The following FANCC variants were observed in gnomAD, a reference collection of about 807,000 sequenced individuals.
FANCC encodes Fanconi anemia group C protein.
Under a neutral mutation model 71.3 loss-of-function variants are expected in FANCC, and 55 were observed. That is an observed-to-expected ratio of 0.77 (90% confidence interval 0.62 to 0.97). The LOEUF is 0.97. Ranked by LOEUF, FANCC falls within the 50% of genes least tolerant of loss-of-function variation. The pLI is 0.00. For synonymous variants in FANCC, 275 were observed against 244.9 expected (o/e 1.12, Z -1.15); for missense variants, 678 against 670.9 (o/e 1.01, Z -0.12).
At chr9:95,315,730 A>G (rs2136445707) in intron 1 of FANCC, among the ~76,000 whole-genome samples, 1 of 152,360 alleles carries the variant, frequency 6.6e-6, no homozygotes, top group East Asian at 1.9e-4. Flanking sequence ...TTGAGGCCCT[A>G]ACACTACCAA....
chr9:95,172,132 TATGAGATAATAC>T lies in FANCC; in HGVS notation c.349_360del (p.Val117_His120del), dbSNP rs1825723799. 6.2e-7 allele frequency: 1 copy of T among 1,609,122 alleles called. No individual in the cohort carries two copies. Among genetic ancestry groups the T allele is most frequent in the Non-Finnish European group, 8.5e-7 (1 of 1,175,660 alleles). Reference sequence around the variant, plus strand: ...TTATCAAATCTGAGTGCTGAAAGTATATGAGATAATACACCCTAAAAAACATAAACAGAAAAA... The same window carrying T: ...TTATCAAATCTGAGTGCTGAAAGTATACCCTAAAAAACATAAACAGAAAAA... On this transcript the variant is annotated inframe_deletion, in exon 5 of 15. Coordinates refer to ENST00000289081, the MANE Select transcript of FANCC (RefSeq NM_000136.3).
At chr9:95,312,802 C>T (rs1218291236) in intron 1 of FANCC, among the ~76,000 whole-genome samples, 2 of 152,198 alleles carry the variant, frequency 1.3e-5, no homozygotes, top group East Asian at 1.9e-4. Flanking sequence ...AAAATACCCA[C>T]TTCTTCCCAG....
chr9:95,193,064 G>A (rs537756749), intron 4 of FANCC, among the ~76,000 whole-genome samples: 1 of 152,320 alleles, frequency 6.6e-6, no homozygotes, highest in East Asian at 1.9e-4. Flanking sequence ...AAGAGTTGAG[G>A]TGGCTGCCTT....
At position 95,111,675 on chromosome 9, in the gene FANCC, A is replaced by G. The variant is rs4647534; in HGVS notation, c.1155-38T>C. ...CAGAACACATGGCAGTTGACAACCT[A>G]AATTCTTCTTCCTTTGGGTTTTTAA... On this transcript the variant is annotated intron_variant, in intron 12 of 14. Coordinates refer to ENST00000289081, the MANE Select transcript of FANCC (RefSeq NM_000136.3). The G allele has an allele frequency of 0.43, 700,401 of 1,612,506 alleles. 155,817 individuals carry two copies. The highest frequency in any genetic ancestry group is 0.61 in the East Asian group (27,497 of 44,866).
intron 1 of FANCC, among the ~76,000 whole-genome samples, chr9:95,295,770 TAAA>T (rs765617250): frequency 1.6e-5 from 2 of 123,632 alleles, no homozygotes; most frequent in Admixed American, 8.2e-5. Flanking sequence ...CTGTATCAAT[TAAA>T]AAAAAAAAAA....
chr9:95,246,231 G>T (rs563517124), intron 3 of FANCC, among the ~76,000 whole-genome samples: 7 of 152,296 alleles, frequency 4.6e-5, no homozygotes, highest in Admixed American at 2.6e-4. Context: ...GGGGTTGGGG[G>T]AAGAGGTATA....
Position 95,101,304 on chromosome 9 carries a change from T to C in FANCC, c.*403A>G. The C allele has an allele frequency of 3.0e-6, 1 of 331,276 alleles. No homozygotes were observed. The highest frequency in any genetic ancestry group is 5.3e-5 in the South Asian group (1 of 18,846). The allele number at this position is 331,276 out of a possible 1,614,324, so 20.5% of individuals were successfully genotyped here. A position where few individuals can be genotyped will look rare whatever the true frequency, so the allele number is the denominator to read the frequency against. ...AGTCTAAAAAGAGCTAAGTTCTCTC[T>C]AAATTCTTTAATGGTTCATGACCAA... On this transcript the variant is annotated 3_prime_UTR_variant, in exon 15 of 15. Transcript: ENST00000289081.
At chr9:95,132,776 G>C (rs1165670459) in intron 8 of FANCC, among the ~76,000 whole-genome samples, 1 of 152,116 alleles carries the variant, frequency 6.6e-6, no homozygotes, top group Non-Finnish European at 1.5e-5. Flanking sequence ...TCAGACCTGC[G>C]AGTCCAAGAG....
intron 1 of FANCC, among the ~76,000 whole-genome samples, chr9:95,311,709 C>CTGTGTGTG (rs56187288): frequency 0.077 from 11,180 of 144,484 alleles, 504 homozygotes; most frequent in East Asian, 0.13. Context: ...TCCTCTGAAT[C>CTGTGTGTG]TGTGTGTGTG....
rs529432395 is a variant in FANCC at position 95,099,419 on chromosome 9, C to A, written c.*2288G>T. On this transcript the variant is annotated 3_prime_UTR_variant, in exon 15 of 15. Coordinates refer to ENST00000289081, the MANE Select transcript of FANCC (RefSeq NM_000136.3). ...CCAGGCCCCGCCAACGCCGTCAAGGCCCCCTCGGCCACGCCGCGTCCCCGC... is the reference window on the plus strand; with the variant it reads ...CCAGGCCCCGCCAACGCCGTCAAGGACCCCTCGGCCACGCCGCGTCCCCGC... 29 of 227,134 alleles carry A rather than the reference C, an allele frequency of 1.3e-4. No individual in the cohort carries two copies. The highest frequency in any genetic ancestry group is 6.3e-4 in the African/African-American group (28 of 44,554). The allele number at this position is 227,134 out of a possible 1,614,324, so 14.1% of individuals were successfully genotyped here.
intron 4 of FANCC, among the ~76,000 whole-genome samples, chr9:95,225,271 C>T (rs1368674911): frequency 3.9e-5 from 6 of 152,226 alleles, no homozygotes; most frequent in African/African-American, 1.4e-4. Flanking sequence ...CCTCCCACTA[C>T]AGACGTCACT....
intron 1 of FANCC, among the ~76,000 whole-genome samples, chr9:95,269,228 C>T (rs1358685552): frequency 6.6e-6 from 1 of 152,194 alleles, no homozygotes; most frequent in Non-Finnish European, 1.5e-5. Context: ...TCTTCCCCTA[C>T]CTGTTTTCCA....
intron 13 of FANCC, chr9:95,109,555 A>C (rs2071741165): frequency 6.6e-6 from 1 of 152,048 alleles, no homozygotes; most frequent in South Asian, 2.1e-4. Context: ...TGTTGGCAAA[A>C]GGAGATGAAC....
intron 1 of FANCC, among the ~76,000 whole-genome samples, chr9:95,305,488 T>C (rs1190875537): frequency 6.6e-6 from 1 of 152,242 alleles, no homozygotes; most frequent in African/African-American, 2.4e-5. Context: ...CAAATCACTT[T>C]AGAATAAAAT....
At chr9:95,241,645 C>G (rs60262652) in intron 3 of FANCC, among the ~76,000 whole-genome samples, 82 of 152,224 alleles carry the variant, frequency 5.4e-4, no homozygotes, top group African/African-American at 1.9e-3. Flanking sequence ...TCATCTTCTG[C>G]AATCTAATAA....
intron 1 of FANCC, among the ~76,000 whole-genome samples, chr9:95,279,021 A>AT (rs986383651): frequency 3.0e-4 from 45 of 151,886 alleles, no homozygotes; most frequent in African/African-American, 1.1e-3. Flanking sequence ...CTACAAAAAA[A>AT]TAAAAAAAAT....
chr9:95,263,742 T>G (rs148247169), intron 1 of FANCC, among the ~76,000 whole-genome samples: 1 of 152,204 alleles, frequency 6.6e-6, no homozygotes, highest in African/African-American at 2.4e-5. Flanking sequence ...ATTATAAAAA[T>G]AGTTTTACCC....
chr9:95,243,102 T>C (rs549940177), intron 3 of FANCC, among the ~76,000 whole-genome samples: 2 of 152,364 alleles, frequency 1.3e-5, no homozygotes, highest in African/African-American at 4.8e-5. Context: ...TTTAATTCTA[T>C]AGTTTAAAAG....
At chr9:95,225,703 T>C (rs1281478998) in intron 4 of FANCC, among the ~76,000 whole-genome samples, 1 of 152,126 alleles carries the variant, frequency 6.6e-6, no homozygotes, top group East Asian at 1.9e-4. Context: ...AACAATCTGA[T>C]ACAATTAGAA....
Sources: gnomAD v4.1 joint callset for allele counts (sites outside exome capture counted in the v4.1 genomes callset) on GRCh38, gnomAD v4.1.1 for gene constraint, MANE v1.5 for transcripts, NCBI Gene and HGNC (gene_info 2026-07-23, HGNC 2026-07-21) for gene names.